The following IL16 variants were observed in gnomAD, a reference collection of about 807,000 sequenced individuals.
IL16 encodes pro-interleukin-16.
IL16 carries 67 observed loss-of-function variants against 110.1 expected under a neutral mutation model. The observed-to-expected ratio is 0.61, with a 90% confidence interval of 0.50 to 0.75. The LOEUF is 0.75. Ranked by LOEUF, IL16 falls within the 30% of genes least tolerant of loss-of-function variation. IL16 has a pLI of 0.00. For synonymous variants in IL16, 689 were observed against 662.9 expected, an observed-to-expected ratio of 1.04 and a Z score of -0.61; for missense variants, 1,545 against 1,655.0, an observed-to-expected ratio of 0.93 and a Z score of 1.15.
chr15:81,260,510 C>T (rs1035909259), intron 3 of IL16, among the ~76,000 whole-genome samples: 3 of 152,130 alleles, frequency 2.0e-5, no homozygotes, highest in African/African-American at 7.2e-5. Context: ...TCTAGTTAAC[C>T]AACTCCCTAT....
chr15:81,237,535 C>G (rs1052129325), intron 2 of IL16, among the ~76,000 whole-genome samples: 1 of 152,104 alleles, frequency 6.6e-6, no homozygotes, highest in African/African-American at 2.4e-5. Context: ...TAAAGATGCC[C>G]TATACACCGG....
chr15:81,211,116 T>C (rs1056334721), intron 1 of IL16, among the ~76,000 whole-genome samples: 10 of 151,410 alleles, frequency 6.6e-5, no homozygotes, highest in Non-Finnish European at 1.3e-4. Flanking sequence ...CTGGAGTGCA[T>C]TGGTGCAATC....
intron 14 of IL16, 76 bp downstream of exon 14, chr15:81,300,551 C>A: frequency 2.2e-6 from 2 of 906,936 alleles, no homozygotes; most frequent in Non-Finnish European, 3.2e-6. Flanking sequence ...AAAAATAATC[C>A]TATATATAAT....
chr15:81,204,022 T>C (rs1012597802), intron 1 of IL16, among the ~76,000 whole-genome samples: 18 of 151,314 alleles, frequency 1.2e-4, no homozygotes, highest in Non-Finnish European at 2.4e-4. Context: ...TAGTTCTCCT[T>C]GAAGAGGTCC....
intron 4 of IL16, among the ~76,000 whole-genome samples, chr15:81,268,865 A>T (rs1260805730): frequency 6.6e-6 from 1 of 152,216 alleles, no homozygotes; most frequent in Non-Finnish European, 1.5e-5. Context: ...ACAGCTGAGG[A>T]AACTGAGGCA....
intron 3 of IL16, among the ~76,000 whole-genome samples, chr15:81,262,893 T>C (rs375828881): frequency 2.6e-5 from 4 of 152,356 alleles, no homozygotes; most frequent in African/African-American, 9.6e-5. Flanking sequence ...ATTGTGCCAC[T>C]GCACTCTAGC....
chr15:81,277,822 C>T (rs1357526837), intron 6 of IL16, among the ~76,000 whole-genome samples: 1 of 152,162 alleles, frequency 6.6e-6, no homozygotes, highest in African/African-American at 2.4e-5. Context: ...GTCCAGAAGT[C>T]AGTGTAAACA....
At chr15:81,280,553 G>C (rs1298180061) in intron 8 of IL16, among the ~76,000 whole-genome samples, 1 of 152,254 alleles carries the variant, frequency 6.6e-6, no homozygotes, top group Non-Finnish European at 1.5e-5. Flanking sequence ...ATGGCCCATA[G>C]TGTGACAAAA....
chr15:81,220,814 A>G (rs1169445377), intron 1 of IL16, among the ~76,000 whole-genome samples: 1 of 149,010 alleles, frequency 6.7e-6, no homozygotes, highest in African/African-American at 2.4e-5. Context: ...AAAAAAAATG[A>G]AAAGGAAGGA....
intron 2 of IL16, among the ~76,000 whole-genome samples, chr15:81,238,382 TTTGA>T (rs1366506542): frequency 7.2e-5 from 11 of 152,214 alleles, no homozygotes; most frequent in African/African-American, 2.7e-4. Flanking sequence ...AGAGTTCCAC[TTTGA>T]TTTATTTATT....
At chr15:81,262,242 A>G (rs889153268) in intron 3 of IL16, among the ~76,000 whole-genome samples, 7 of 152,212 alleles carry the variant, frequency 4.6e-5, no homozygotes, top group African/African-American at 1.7e-4. Context: ...ACTTGTTGAA[A>G]ATACTTTCTC....
chr15:81,276,582 A>T (rs1484104127), intron 6 of IL16, among the ~76,000 whole-genome samples: 1 of 152,224 alleles, frequency 6.6e-6, no homozygotes, highest in African/African-American at 2.4e-5. Flanking sequence ...ACTTAACTTT[A>T]CCCATGGCTC....
intron 4 of IL16, among the ~76,000 whole-genome samples, chr15:81,267,495 C>CACACAT (rs1555420242): frequency 6.6e-6 from 1 of 151,232 alleles, no homozygotes; most frequent in African/African-American, 2.5e-5. Context: ...CACACACACA[C>CACACAT]ACACACACAC....
intron 2 of IL16, among the ~76,000 whole-genome samples, chr15:81,231,021 A>C (rs76791718): frequency 0.014 from 2,172 of 152,092 alleles, 58 homozygotes; most frequent in African/African-American, 0.05. Context: ...CTCAGAAGTC[A>C]AACCTGGCCC....
intron 15 of IL16, chr15:81,302,203 C>G (rs767428938): frequency 6.6e-6 from 1 of 152,268 alleles, no homozygotes; most frequent in Admixed American, 6.5e-5. Flanking sequence ...TCTCGTTTTC[C>G]ATACAAGGAG....
intron 2 of IL16, among the ~76,000 whole-genome samples, chr15:81,243,071 A>G (rs555986986): frequency 2.1e-5 from 3 of 143,532 alleles, no homozygotes; most frequent in African/African-American, 7.7e-5. Context: ...CCACTTGGTC[A>G]TCATGTATAA....
At chr15:81,220,882 T>G (rs1373928965) in intron 1 of IL16, among the ~76,000 whole-genome samples, 1 of 152,204 alleles carries the variant, frequency 6.6e-6, no homozygotes, top group Admixed American at 6.5e-5. Flanking sequence ...GTACATATTC[T>G]GCAAGTTTTT....
chr15:81,280,193 C>T (rs1351889526), intron 8 of IL16, among the ~76,000 whole-genome samples: 1 of 152,204 alleles, frequency 6.6e-6, no homozygotes. Context: ...CAGGAACAGA[C>T]AGCCATTCCC....
At chr15:81,244,112 T>A (rs978792952) in intron 2 of IL16, among the ~76,000 whole-genome samples, 1 of 152,188 alleles carries the variant, frequency 6.6e-6, no homozygotes, top group Non-Finnish European at 1.5e-5. Flanking sequence ...AGCAAACTTA[T>A]TTCCCTTTAC....
Sources: gnomAD v4.1 joint callset for allele counts (sites outside exome capture counted in the v4.1 genomes callset) on GRCh38, gnomAD v4.1.1 for gene constraint, MANE v1.5 for transcripts, NCBI Gene and HGNC (gene_info 2026-07-23, HGNC 2026-07-21) for gene names.